The following PAQR5 variants were observed in gnomAD, a reference collection of about 807,000 sequenced individuals.
PAQR5 encodes the protein progestin and adipoQ receptor family member 5.
PAQR5 carries 20 observed loss-of-function variants against 34.5 expected under a neutral mutation model. The ratio of observed to expected loss-of-function variants is 0.58; its 90% CI spans 0.41 to 0.84. PAQR5 has a LOEUF of 0.84. PAQR5 is among the 40% of genes least tolerant of loss of function. The probability of loss-of-function intolerance (pLI) is 0.00; values close to 1 mark genes in which losing one functional copy is unlikely to be tolerated. For missense variants in PAQR5, 378 were observed against 412.7 expected (o/e 0.92, Z 0.73); for synonymous variants, 131 against 155.6 (o/e 0.84, Z 1.18).
chr15:69,402,197 G>A (rs868045709), intron 8 of PAQR5, among the ~76,000 whole-genome samples: 2 of 152,196 alleles, frequency 1.3e-5, no homozygotes, highest in African/African-American at 2.4e-5. Flanking sequence ...AGATCAAAGC[G>A]TTGGCAAGTA....
intron 2 of PAQR5, among the ~76,000 whole-genome samples, chr15:69,355,735 A>C (rs77854340): frequency 0.022 from 3,337 of 151,746 alleles, 125 homozygotes; most frequent in African/African-American, 0.076. Flanking sequence ...CTATTTCTTT[A>C]TTTATTTTTT....
chr15:69,359,705 T>C (rs2055183041), intron 2 of PAQR5, among the ~76,000 whole-genome samples: 1 of 152,110 alleles, frequency 6.6e-6, no homozygotes, highest in African/African-American at 2.4e-5. Context: ...TTTTAGATTT[T>C]ACTTTTTCTT....
intron 2 of PAQR5, among the ~76,000 whole-genome samples, chr15:69,358,633 ATT>A (rs71149910): frequency 1.2e-5 from 1 of 84,464 alleles, no homozygotes; most frequent in East Asian, 4.2e-4. Context: ...GCTCTGTGGC[ATT>A]TTTTTTTTTT....
chr15:69,350,300 C>T (rs1034892704), intron 2 of PAQR5, among the ~76,000 whole-genome samples: 2 of 152,172 alleles, frequency 1.3e-5, no homozygotes, highest in East Asian at 3.9e-4. Context: ...CTTACTTGAT[C>T]TGTATAAGCA....
intron 1 of PAQR5, among the ~76,000 whole-genome samples, chr15:69,324,984 T>C (rs2054214170): frequency 6.6e-6 from 1 of 151,778 alleles, no homozygotes; most frequent in East Asian, 1.9e-4. Context: ...TTACAATCTC[T>C]TCCTCCCAGG....
At chr15:69,335,811 T>A (rs1026541864) in intron 1 of PAQR5, among the ~76,000 whole-genome samples, 2 of 152,094 alleles carry the variant, frequency 1.3e-5, no homozygotes, top group East Asian at 3.8e-4. Flanking sequence ...TGGATGGAAA[T>A]TTGTAAAGAG....
intron 1 of PAQR5, among the ~76,000 whole-genome samples, chr15:69,302,728 G>A (rs562488711): frequency 6.6e-6 from 1 of 152,228 alleles, no homozygotes; most frequent in East Asian, 1.9e-4. Context: ...CTGTTTCCTG[G>A]AGGAAGCCGC....
At position 69,406,625 on chromosome 15, in the gene PAQR5, T is replaced by C. The variant is rs1343395559; in HGVS notation, c.*2803T>C. 6.6e-6 allele frequency: 1 copy of C among 152,264 alleles called. No individual in the cohort carries two copies. The highest frequency in any genetic ancestry group is 1.5e-5 in the Non-Finnish European group (1 of 68,120). The allele number at this position is 152,264 out of a possible 1,614,324, so 9.4% of individuals were successfully genotyped here. On this transcript the variant is annotated 3_prime_UTR_variant, in exon 9 of 9. Coordinates refer to ENST00000395407, the MANE Select transcript of PAQR5 (RefSeq NM_017705.4). Reference sequence around the variant, plus strand: ...GGCTCATGCCTGTAATCCCAGCACTTTGGGAGGCTGAAGTGGGAGGACTGC... The same window carrying C: ...GGCTCATGCCTGTAATCCCAGCACTCTGGGAGGCTGAAGTGGGAGGACTGC...
At chr15:69,328,819 G>A (rs533131549) in intron 1 of PAQR5, among the ~76,000 whole-genome samples, 7 of 152,310 alleles carry the variant, frequency 4.6e-5, no homozygotes, top group Admixed American at 1.3e-4. Flanking sequence ...CCTTGGGTGC[G>A]GACTTTACCC....
rs148227885 is a variant in PAQR5 at position 69,385,429 on chromosome 15, T to C, written c.385+547T>C. On this transcript the variant is annotated intron_variant, in intron 5 of 8. Coordinates refer to ENST00000395407, the MANE Select transcript of PAQR5 (RefSeq NM_017705.4). The surrounding 1 kb of genome is among the most constrained non-coding windows in gnomAD (Gnocchi z 4.7). ...AGGCAAGAAGAGGAGGGTGAGGTCA[T>C]GAGCCTCGTATATCCAGAGGCTTAG... Among the ~76,000 whole-genome samples the C allele has an allele frequency of 1.9e-3, 286 of 152,306 alleles. No homozygotes were observed. The highest frequency in any genetic ancestry group is 6.5e-3 in the African/African-American group (271 of 41,560).
At chr15:69,354,466 T>G (rs2055004384) in intron 2 of PAQR5, among the ~76,000 whole-genome samples, 1 of 152,212 alleles carries the variant, frequency 6.6e-6, no homozygotes, top group Admixed American at 6.5e-5. Context: ...TTATGAGATA[T>G]CAAGAGAAGA....
At chr15:69,310,240 G>A (rs1173101947) in intron 1 of PAQR5, among the ~76,000 whole-genome samples, 1 of 152,126 alleles carries the variant, frequency 6.6e-6, no homozygotes, top group African/African-American at 2.4e-5. Context: ...GCAAATGTAG[G>A]TGGCTATAGG....
At chr15:69,333,549 G>A (rs1227136438) in intron 1 of PAQR5, among the ~76,000 whole-genome samples, 1 of 152,220 alleles carries the variant, frequency 6.6e-6, no homozygotes, top group Non-Finnish European at 1.5e-5. Flanking sequence ...TGAGACTCCT[G>A]TGAGAGATGG....
intron 2 of PAQR5, among the ~76,000 whole-genome samples, chr15:69,359,036 G>T (rs1196961741): frequency 2.0e-5 from 3 of 152,184 alleles, no homozygotes; most frequent in Admixed American, 1.3e-4. Context: ...AGGCTGGGAA[G>T]TCCAAGGTCA....
At chr15:69,373,083 C>T (rs996053428) in intron 3 of PAQR5, among the ~76,000 whole-genome samples, 1 of 152,126 alleles carries the variant, frequency 6.6e-6, no homozygotes, top group Non-Finnish European at 1.5e-5. Flanking sequence ...TTCACATCAG[C>T]AATGTTGCAT....
chr15:69,339,400 C>T (rs1006248689), intron 2 of PAQR5, among the ~76,000 whole-genome samples: 2 of 152,098 alleles, frequency 1.3e-5, no homozygotes, highest in African/African-American at 2.4e-5. Context: ...GACATGCATC[C>T]GTCTGGGTAC....
At chr15:69,394,091 A>G (rs1217717709) in intron 6 of PAQR5, among the ~76,000 whole-genome samples, 1 of 149,372 alleles carries the variant, frequency 6.7e-6, no homozygotes, top group East Asian at 2.0e-4. Flanking sequence ...AGTGCATCCA[A>G]CCATTGATTG....
At chr15:69,373,076 A>G (rs977296620) in intron 3 of PAQR5, among the ~76,000 whole-genome samples, 1 of 151,998 alleles carries the variant, frequency 6.6e-6, no homozygotes, top group Non-Finnish European at 1.5e-5. Flanking sequence ...CTCCATCTTC[A>G]CATCAGCAAT....
At chr15:69,384,591 G>A in intron 4 of PAQR5, 86 bp from the exon 5 acceptor site, 1 of 734,434 alleles carries the variant, frequency 1.4e-6, no homozygotes, top group South Asian at 1.6e-5. Context: ...ATGGTGGAAG[G>A]TGAGCGGGTC....
Sources: allele counts gnomAD v4.1 joint callset (sites outside exome capture counted in the v4.1 genomes callset), GRCh38; gene constraint gnomAD v4.1.1; non-coding constraint Gnocchi (gnomAD v3.1); transcripts MANE v1.5; gene names NCBI Gene and HGNC (gene_info 2026-07-23, HGNC 2026-07-21).